Variants in KIAA0232 observed in about 807,000 individuals in gnomAD.
The protein encoded by KIAA0232 is KIAA0232.
KIAA0232 carries 27 observed loss-of-function variants against 122.0 expected under a neutral mutation model. The observed-to-expected ratio is 0.22, with a 90% CI of 0.16 to 0.31. The LOEUF (loss-of-function observed/expected upper bound fraction) is 0.31, where lower values mean the gene tolerates loss of function less well. Among genes scored for constraint, KIAA0232 ranks in the 10% least tolerant of loss-of-function variants. The pLI is 1.00. For missense variants in KIAA0232, 1,551 were observed against 1,634.2 expected, an observed-to-expected ratio of 0.95 and a Z score of 0.88; for synonymous variants, 613 against 587.6, an observed-to-expected ratio of 1.04 and a Z score of -0.63.
At position 6,836,965 on chromosome 4, in the gene KIAA0232, C is replaced by T. The variant is rs1443878161; in HGVS notation, c.232-5102C>T. Among the ~76,000 whole-genome samples, 3 of 152,238 alleles carry T rather than the reference C, an allele frequency of 2.0e-5. No individual in the cohort carries two copies. In the East Asian group the frequency reaches 5.8e-4, roughly 29 times the overall value. ...ATTTCTTTCCACACAGACACGGTAA[C>T]AATCTGATCTCCCTTTCTTTTCCCC... On this transcript the variant is annotated intron_variant, in intron 3 of 9. Transcript: ENST00000307659.
Position 6,872,441 on chromosome 4 carries a change from T to G in KIAA0232, c.3910+759T>G, listed in dbSNP as rs1721542446. Among the ~76,000 whole-genome samples, 3 of 152,192 alleles carry G rather than the reference T, an allele frequency of 2.0e-5. No homozygotes were observed. The South Asian group carries it at 6.2e-4, about 31-fold the overall frequency. On this transcript the variant is annotated intron_variant, in intron 8 of 9. Coordinates refer to ENST00000307659, the MANE Select transcript of KIAA0232 (RefSeq NM_014743.3). ...AGAGGGAGACAGGAGTGGGCGCTGA[T>G]GCGGTGAGGAAGATTTTAGTTTAGG...
At chr4:6,788,859 G>A (rs1716751251) in intron 1 of KIAA0232, among the ~76,000 whole-genome samples, 1 of 152,124 alleles carries the variant, frequency 6.6e-6, no homozygotes, top group South Asian at 2.1e-4. Context: ...AGGTGGAGAC[G>A]ACACTAGTGG....
intron 3 of KIAA0232, among the ~76,000 whole-genome samples, chr4:6,832,168 A>G (rs1000400464): frequency 2.6e-5 from 4 of 152,162 alleles, no homozygotes; most frequent in Admixed American, 6.5e-5. Context: ...GTTTTGATAT[A>G]TATTTTGTCT....
chr4:6,840,075 T>A (rs1425052399), intron 3 of KIAA0232, among the ~76,000 whole-genome samples: 1 of 152,142 alleles, frequency 6.6e-6, no homozygotes, highest in African/African-American at 2.4e-5. Flanking sequence ...TAACTAAAAG[T>A]CCAGAAGTTG....
intron 2 of KIAA0232, among the ~76,000 whole-genome samples, chr4:6,814,088 G>T (rs1041843006): frequency 1.3e-5 from 2 of 152,154 alleles, no homozygotes; most frequent in Non-Finnish European, 2.9e-5. Flanking sequence ...ACAACTGCAA[G>T]TATATGTATG....
chr4:6,856,774 G>C (rs1720590906), intron 4 of KIAA0232, among the ~76,000 whole-genome samples: 2 of 151,994 alleles, frequency 1.3e-5, no homozygotes, highest in Admixed American at 1.3e-4. Context: ...TTTAAGTCTG[G>C]TATAAGATCT....
chr4:6,836,546 C>CTTTTTTTTTTTTTTTTTTTTTTT (rs1173281370), intron 3 of KIAA0232, among the ~76,000 whole-genome samples: 4 of 82,080 alleles, frequency 4.9e-5, no homozygotes, highest in African/African-American at 1.4e-4. Context: ...TTTTTCTTTT[C>CTTTTTTTTTTTTTTTTTTTTTTT]TTTTTTTTTT....
intron 3 of KIAA0232, among the ~76,000 whole-genome samples, chr4:6,827,885 T>C (rs1392639871): frequency 6.6e-6 from 1 of 152,180 alleles, no homozygotes; most frequent in Non-Finnish European, 1.5e-5. Flanking sequence ...TCTTTCTTTT[T>C]TTTTTGGTCA....
intron 4 of KIAA0232, among the ~76,000 whole-genome samples, chr4:6,846,100 T>TA (rs34790054): frequency 0.027 from 3,978 of 149,372 alleles, 85 homozygotes; most frequent in Non-Finnish European, 0.037. Context: ...TCATTTTATT[T>TA]AAAAAAAAAA....
At chr4:6,785,490 G>A (rs1377822384) in intron 1 of KIAA0232, among the ~76,000 whole-genome samples, 2 of 152,212 alleles carry the variant, frequency 1.3e-5, no homozygotes, top group Non-Finnish European at 2.9e-5. Context: ...TCACAGAATA[G>A]TTGGGATGAT....
chr4:6,853,581 G>A (rs1720408241), intron 4 of KIAA0232, among the ~76,000 whole-genome samples: 1 of 152,172 alleles, frequency 6.6e-6, no homozygotes, highest in South Asian at 2.1e-4. Context: ...TATCATGTAG[G>A]TTAGTGATCA....
At position 6,876,738 on chromosome 4, in the gene KIAA0232, G is replaced by A. The variant is rs202127422; in HGVS notation, c.3989G>A (p.Arg1330His). 3.8e-5 allele frequency: 61 copies of A among 1,611,212 alleles called. No individual in the cohort carries two copies. The highest frequency in any genetic ancestry group is 1.6e-4 in the Middle Eastern group (1 of 6,078). Residue 1330 changes from arginine to histidine, a missense_variant, in exon 9 of 10, where the codon CGC becomes CAC. By Grantham distance (29) the Arg-to-His change is conservative. This residue lies in a region of KIAA0232 where 1,108 missense variants were observed against 1,154.8 expected (regional missense o/e 0.96). Coordinates refer to ENST00000307659, the MANE Select transcript of KIAA0232 (RefSeq NM_014743.3). ...AAAGAGACACCCAGTAATGAAGAGC[G>A]CCTGTTAGATTTTAATAGGGTAAGT... ...DAKETPSNEERLLDFNRVSSV... is the reference protein window; with the variant it reads ...DAKETPSNEEHLLDFNRVSSV...
intron 8 of KIAA0232, among the ~76,000 whole-genome samples, chr4:6,872,999 G>A (rs1482044629): frequency 3.9e-5 from 6 of 152,224 alleles, no homozygotes; most frequent in South Asian, 2.1e-4. Context: ...TAAGGAGAGC[G>A]TAGAGCTGAG....
At chr4:6,833,480 A>G (rs1719101636) in intron 3 of KIAA0232, among the ~76,000 whole-genome samples, 1 of 152,082 alleles carries the variant, frequency 6.6e-6, no homozygotes, top group South Asian at 2.1e-4. Flanking sequence ...TAATACAAAA[A>G]TTAGCCAGGC....
Position 6,814,745 on chromosome 4 carries a change from A to G in KIAA0232, c.-269-9440A>G, listed in dbSNP as rs191365569. Among the ~76,000 whole-genome samples, 166 of 152,282 alleles carry G rather than the reference A, an allele frequency of 1.1e-3. 1 individual carries two copies. The highest frequency in any genetic ancestry group is 2.4e-4 in the Non-Finnish European group (16 of 68,018). ...AGTGGCAGAGGTGGGACTGTGTGCAAAAACCTAAGATACTATGATTGCTGA... is the reference window on the plus strand; with the variant it reads ...AGTGGCAGAGGTGGGACTGTGTGCAGAAACCTAAGATACTATGATTGCTGA... On this transcript the variant is annotated intron_variant, in intron 2 of 9. Coordinates refer to ENST00000307659, the MANE Select transcript of KIAA0232 (RefSeq NM_014743.3).
chr4:6,870,061 CA>C (rs1560209068), intron 7 of KIAA0232, among the ~76,000 whole-genome samples: 1 of 152,206 alleles, frequency 6.6e-6, no homozygotes, highest in Non-Finnish European at 1.5e-5. Context: ...GAGGAAGGCA[CA>C]CTGAAGGGGG....
chr4:6,832,533 G>T (rs746455066), intron 3 of KIAA0232, among the ~76,000 whole-genome samples: 5 of 152,048 alleles, frequency 3.3e-5, no homozygotes, highest in African/African-American at 4.8e-5. Context: ...ATTTTTAGTA[G>T]AGATGGGGTT....
chr4:6,811,474 A>T (rs1012099347), intron 2 of KIAA0232, among the ~76,000 whole-genome samples: 3 of 152,016 alleles, frequency 2.0e-5, no homozygotes, highest in Non-Finnish European at 2.9e-5. Context: ...ACAGGGTCTC[A>T]CTCTGTCACC....
At chr4:6,822,054 A>G (rs765567163) in intron 2 of KIAA0232, among the ~76,000 whole-genome samples, 1 of 152,040 alleles carries the variant, frequency 6.6e-6, no homozygotes, top group Non-Finnish European at 1.5e-5. Flanking sequence ...TAATTTTATT[A>G]TAGTGTTCTA....
Sources: allele counts gnomAD v4.1 joint callset (sites outside exome capture counted in the v4.1 genomes callset), GRCh38; gene constraint gnomAD v4.1.1; regional missense constraint gnomAD v4.1.1; transcripts MANE v1.5; gene names NCBI Gene and HGNC (gene_info 2026-07-23, HGNC 2026-07-21).